Variants in ZNF513 observed in about 807,000 individuals in gnomAD.
ZNF513 encodes zinc finger protein 513.
In ZNF513, 16 loss-of-function variants were observed where a neutral mutation model predicts 39.7. The ratio of observed to expected loss-of-function variants is 0.40; its 90% CI spans 0.27 to 0.61. The LOEUF (loss-of-function observed/expected upper bound fraction) is 0.61, where lower values mean the gene tolerates loss of function less well. Among genes scored for constraint, ZNF513 ranks in the 20% least tolerant of loss-of-function variants. The probability of loss-of-function intolerance (pLI) is 0.39; values close to 1 mark genes in which losing one functional copy is unlikely to be tolerated. For synonymous variants in ZNF513, 348 were observed against 296.5 expected (o/e 1.17, Z -1.79); for missense variants, 699 against 743.6 (o/e 0.94, Z 0.70).
In ZNF513 at chr2:27,378,379, G is replaced by A. The variant is rs1001343740; in HGVS notation, c.800-8C>T. The A allele has an allele frequency of 1.2e-6, 2 of 1,605,994 alleles. No individual in the cohort carries two copies. The highest frequency in any genetic ancestry group is 1.7e-6 in the Non-Finnish European group (2 of 1,179,926). On this transcript the variant is annotated splice_polypyrimidine_tract_variant and splice_region_variant and intron_variant, in intron 3 of 3. Transcript: ENST00000323703. The surrounding 1 kb of genome is among the most constrained non-coding windows in gnomAD (Gnocchi z 8.0). The stretch of plus-strand genomic sequence containing the variant: ...CTGGAAGGAGCAGAGCATCTGTGGG[G>A]ACAAAGACCTGGGCTATGAATCCAA...
In ZNF513 at chr2:27,380,156, C is replaced by G. The variant is rs1221283619; in HGVS notation, c.148G>C (p.Glu50Gln). 6.2e-7 allele frequency: 1 copy of G among 1,614,180 alleles called. No homozygotes were observed. The highest frequency in any genetic ancestry group is 2.2e-5 in the East Asian group (1 of 44,872). ...LGQDLEFEEE[E>Q]EEEEGDGNSD... ...TTGCCGTCGCCTTCCTCCTCTTCCT[C>G]TTCCTCCTCAAACTCCAGATCCTGG... Residue 50 changes from glutamate (E) to glutamine (Q), a missense_variant, in exon 2 of 4, where the codon GAG becomes CAG. This residue lies in a region of ZNF513 where 530 missense variants were observed against 499.3 expected (regional missense o/e 1.06). Coordinates refer to ENST00000323703, the MANE Select transcript of ZNF513 (RefSeq NM_144631.6).
Position 27,378,472 on chromosome 2 carries a change from G to C in ZNF513, c.794C>G (p.Pro265Arg), listed in dbSNP as rs768360466. ...TEQEGAVPRRPEDALLLPDLS... is the reference protein window; with the variant it reads ...TEQEGAVPRRREDALLLPDLS... Reference sequence around the variant, plus strand: ...TGGTCCCTGGTGTGTCTTACCTTCAGGTCGCCGGGGCACCGCCCCCTCCTG... The same window carrying C: ...TGGTCCCTGGTGTGTCTTACCTTCACGTCGCCGGGGCACCGCCCCCTCCTG... Residue 265 changes from proline to arginine, a missense_variant, in exon 3 of 4, where the codon CCT (proline) becomes CGT (arginine). Transcript: ENST00000323703. The surrounding 1 kb of genome is among the most constrained non-coding windows in gnomAD (Gnocchi z 8.0). 56 of 1,614,112 alleles carry C rather than the reference G, an allele frequency of 3.5e-5. 2 individuals carry two copies. The Admixed American group carries it at 8.8e-4, about 25-fold the overall frequency.
At position 27,377,284 on chromosome 2, in the gene ZNF513, A is replaced by C; in HGVS notation, c.*261T>G. On this transcript the variant is annotated 3_prime_UTR_variant, in exon 4 of 4. Coordinates refer to ENST00000323703, the MANE Select transcript of ZNF513 (RefSeq NM_144631.6). This position sits in a 1 kb window ranked among gnomAD's most constrained non-coding sequence, Gnocchi z 4.4. ...AAGCACTGAAATAAGTTAAATAAAC[A>C]GGTGGGAGGCTGGGCAGTCCCCCAG... 1.6e-6 allele frequency: 1 copy of C among 625,160 alleles called. No homozygotes were observed. Among genetic ancestry groups the C allele is most frequent in the Non-Finnish European group, 2.9e-6 (1 of 349,404 alleles). 38.7% of individuals were successfully genotyped at this position (625,160 alleles called of 1,614,324 possible).
intron 2 of ZNF513, 23 bp downstream of exon 2, chr2:27,380,069 CT>C (rs1454056484): frequency 6.2e-7 from 1 of 1,613,802 alleles, no homozygotes; most frequent in Non-Finnish European, 8.5e-7. Context: ...GCCGCTAATC[CT>C]TAACCAAGAC....
Position 27,377,930 on chromosome 2 carries a change from TTCTCTCC to T in ZNF513, c.1234_1240del (p.Gly412SerfsTer44). 1 of 1,613,910 alleles carries T rather than the reference TTCTCTCC, an allele frequency of 6.2e-7. No homozygotes were observed. The highest frequency in any genetic ancestry group is 8.5e-7 in the Non-Finnish European group (1 of 1,179,940). On this transcript the variant is annotated frameshift_variant, in exon 4 of 4. Coordinates refer to ENST00000323703, the MANE Select transcript of ZNF513 (RefSeq NM_144631.6). LOFTEE classifies it high-confidence loss of function. This position sits in a 1 kb window ranked among gnomAD's most constrained non-coding sequence, Gnocchi z 4.4. Reference sequence around the variant, plus strand: ...AGGGCAGAGGGGGCACTTGTAGGGCTTCTCTCCTGTATGGACGCGCTGGTGCCGTTTC... The same window carrying T: ...AGGGCAGAGGGGGCACTTGTAGGGCTTGTATGGACGCGCTGGTGCCGTTTC...
Position 27,377,526 on chromosome 2 carries a change from T to G in ZNF513, c.*19A>C, listed in dbSNP as rs995134793. ...GCTTCTGGTCCGTCTGTATAAAACA[T>G]GGGGAAGAAGGACCTAGTTCAGGAT... On this transcript the variant is annotated 3_prime_UTR_variant, in exon 4 of 4. Coordinates refer to ENST00000323703, the MANE Select transcript of ZNF513 (RefSeq NM_144631.6). This position sits in a 1 kb window ranked among gnomAD's most constrained non-coding sequence, Gnocchi z 4.4. 1.2e-6 allele frequency: 2 copies of G among 1,613,358 alleles called. No individual in the cohort carries two copies. The highest frequency in any genetic ancestry group is 2.7e-5 in the African/African-American group (2 of 74,926).
chr2:27,380,462 G>A lies in ZNF513; in HGVS notation c.55+10C>T. On this transcript the variant is annotated intron_variant, in intron 1 of 3. Coordinates refer to ENST00000323703, the MANE Select transcript of ZNF513 (RefSeq NM_144631.6). ...CCGCTCCTCTCCCCTCAAGGCCCCTGACCCCTGACCTTTGACCCCCTCGCA... is the reference window on the plus strand; with the variant it reads ...CCGCTCCTCTCCCCTCAAGGCCCCTAACCCCTGACCTTTGACCCCCTCGCA... 1 of 1,578,178 alleles carries A rather than the reference G, an allele frequency of 6.3e-7. No homozygotes were observed. The highest frequency in any genetic ancestry group is 8.6e-7 in the Non-Finnish European group (1 of 1,162,630).
intron 1 of ZNF513, 29 bp downstream of exon 1, chr2:27,380,443 C>T: frequency 6.3e-7 from 1 of 1,588,988 alleles, no homozygotes; most frequent in Non-Finnish European, 8.6e-7. Context: ...ACCCCCGCTC[C>T]TCTCCCCTCA....
Position 27,378,157 on chromosome 2 carries a change from G to A in ZNF513, c.1014C>T (p.Arg338=), listed in dbSNP as rs1363494612. The stretch of plus-strand genomic sequence containing the variant: ...CCCCTCCAGCCTCTCCTCGCATGCA[G>A]CGCCCACACATGGCAGCTCCCAGCC... ...GSRLGAAMCG[R]CMRGEAGGGA... Residue 338 remains arginine (R), a synonymous_variant, in exon 4 of 4, where the codon CGC becomes CGT. Transcript: ENST00000323703. This position sits in a 1 kb window ranked among gnomAD's most constrained non-coding sequence, Gnocchi z 8.0. 9 of 1,613,394 alleles carry A rather than the reference G, an allele frequency of 5.6e-6. No individual in the cohort carries two copies. The highest frequency in any genetic ancestry group is 4.5e-5 in the East Asian group (2 of 44,888).
chr2:27,379,666 A>G (rs1490601556), intron 2 of ZNF513, among the ~76,000 whole-genome samples: 1 of 152,256 alleles, frequency 6.6e-6, no homozygotes, highest in Non-Finnish European at 1.5e-5. Context: ...ACATGGAAGG[A>G]TAAAGACAGA....
At position 27,380,211 on chromosome 2, in the gene ZNF513, G is replaced by C. The variant is rs778300452; in HGVS notation, c.93C>G (p.Ala31=). The C allele has an allele frequency of 6.2e-7, 1 of 1,613,886 alleles. No individual in the cohort carries two copies. The highest frequency in any genetic ancestry group is 8.5e-7 in the Non-Finnish European group (1 of 1,179,976). ...TEDSLDEGPG[A]LVLESDLLLG... is the part of the protein sequence containing the mutation. ...GTAGCAAATCACTCTCCAATACCAG[G>C]GCCCCGGGTCCTTCGTCGAGGGAGT... The change falls in exon 2 of 4, where the codon GCC becomes GCG. Residue 31 remains alanine (A), a synonymous_variant. Coordinates refer to ENST00000323703, the MANE Select transcript of ZNF513 (RefSeq NM_144631.6).
chr2:27,378,569 T>TG lies in ZNF513; in HGVS notation c.696dup (p.Thr233HisfsTer34). On this transcript the variant is annotated frameshift_variant, in exon 3 of 4. Coordinates refer to ENST00000323703, the MANE Select transcript of ZNF513 (RefSeq NM_144631.6). LOFTEE classifies it high-confidence loss of function. This position sits in a 1 kb window ranked among gnomAD's most constrained non-coding sequence, Gnocchi z 8.0. Reference sequence around the variant, plus strand: ...AAGCCACAGGTCGGGCAGGGAGGAGTGGGGGGCCCTGCGTGGGTACGCTGA... The same window carrying TG: ...AAGCCACAGGTCGGGCAGGGAGGAGTGGGGGGGCCCTGCGTGGGTACGCTGA... The TG allele has an allele frequency of 6.2e-7, 1 of 1,612,944 alleles. No individual in the cohort carries two copies. Among genetic ancestry groups the TG allele is most frequent in the Non-Finnish European group, 8.5e-7 (1 of 1,179,724 alleles).
In ZNF513 at chr2:27,378,588, A is replaced by T. The variant is rs1317978628; in HGVS notation, c.678T>A (p.Arg226=). ...SSLGNLRRHQ[R]THAGPPTPPC... ...GAGGAGTGGGGGGCCCTGCGTGGGTACGCTGATGCCGCCTCAGGTTGCCCA... is the reference window on the plus strand; with the variant it reads ...GAGGAGTGGGGGGCCCTGCGTGGGTTCGCTGATGCCGCCTCAGGTTGCCCA... Residue 226 remains arginine (R), a synonymous_variant, in exon 3 of 4, where the codon CGT becomes CGA. Coordinates refer to ENST00000323703, the MANE Select transcript of ZNF513 (RefSeq NM_144631.6). The surrounding 1 kb of genome is among the most constrained non-coding windows in gnomAD (Gnocchi z 8.0). The T allele has an allele frequency of 1.9e-6, 3 of 1,613,852 alleles. No homozygotes were observed.
In ZNF513 at chr2:27,380,596, G is replaced by A; in HGVS notation, c.-70C>T. 2 of 1,537,652 alleles carry A rather than the reference G, an allele frequency of 1.3e-6. No individual in the cohort carries two copies. Among genetic ancestry groups the A allele is most frequent in the Non-Finnish European group, 1.8e-6 (2 of 1,139,128 alleles). Reference sequence around the variant, plus strand: ...GACCCCGCCCCTCCTATCTCGGCCCGCCTGTCTGCCCTTCCTCTCAGGGCC... The same window carrying A: ...GACCCCGCCCCTCCTATCTCGGCCCACCTGTCTGCCCTTCCTCTCAGGGCC... On this transcript the variant is annotated 5_prime_UTR_variant, in exon 1 of 4. Coordinates refer to ENST00000323703, the MANE Select transcript of ZNF513 (RefSeq NM_144631.6).
chr2:27,380,558 C>T lies in ZNF513; in HGVS notation c.-32G>A. 1 of 1,543,606 alleles carries T rather than the reference C, an allele frequency of 6.5e-7. No individual in the cohort carries two copies. Among genetic ancestry groups the T allele is most frequent in the Non-Finnish European group, 8.8e-7 (1 of 1,138,642 alleles). ...CGGCTCCAGCCCGACGCGCCTCCGGCCTGCGGCCGCCCGACCCCGCCCCTC... is the reference window on the plus strand; with the variant it reads ...CGGCTCCAGCCCGACGCGCCTCCGGTCTGCGGCCGCCCGACCCCGCCCCTC... On this transcript the variant is annotated 5_prime_UTR_variant, in exon 1 of 4. Coordinates refer to ENST00000323703, the MANE Select transcript of ZNF513 (RefSeq NM_144631.6).
Position 27,378,398 on chromosome 2 carries a change from A to C in ZNF513, c.800-27T>G. On this transcript the variant is annotated intron_variant, in intron 3 of 3. Transcript: ENST00000323703. The surrounding 1 kb of genome is among the most constrained non-coding windows in gnomAD (Gnocchi z 8.0). ...TGTGGGGACAAAGACCTGGGCTATG[A>C]ATCCAATCCAAGCATTCCTAGGGTC... The C allele has an allele frequency of 1.2e-6, 2 of 1,609,898 alleles. No homozygotes were observed. The highest frequency in any genetic ancestry group is 1.7e-6 in the Non-Finnish European group (2 of 1,179,894).
In ZNF513 at chr2:27,378,388, C is replaced by G. The variant is rs777653376; in HGVS notation, c.800-17G>C. 1.9e-6 allele frequency: 3 copies of G among 1,607,902 alleles called. No individual in the cohort carries two copies. Among genetic ancestry groups the G allele is most frequent in the Non-Finnish European group, 2.5e-6 (3 of 1,179,924 alleles). Reference sequence around the variant, plus strand: ...GCAGAGCATCTGTGGGGACAAAGACCTGGGCTATGAATCCAATCCAAGCAT... The same window carrying G: ...GCAGAGCATCTGTGGGGACAAAGACGTGGGCTATGAATCCAATCCAAGCAT... On this transcript the variant is annotated splice_polypyrimidine_tract_variant and intron_variant, in intron 3 of 3. Transcript: ENST00000323703. The surrounding 1 kb of genome is among the most constrained non-coding windows in gnomAD (Gnocchi z 8.0).
chr2:27,378,560 A>G lies in ZNF513; in HGVS notation c.706T>C (p.Cys236Arg). ...CAGCAGCGGAAGCCACAGGTCGGGC[A>G]GGGAGGAGTGGGGGGCCCTGCGTGG... ...RTHAGPPTPPCPTCGFRCCTP... is the reference protein window; with the variant it reads ...RTHAGPPTPPRPTCGFRCCTP... Residue 236 changes from cysteine (C) to arginine (R), a missense_variant, in exon 3 of 4, where the codon TGC becomes CGC. Physicochemically the swap from Cys to Arg is radical, Grantham distance 180 (BLOSUM62 -3). Coordinates refer to ENST00000323703, the MANE Select transcript of ZNF513 (RefSeq NM_144631.6). The surrounding 1 kb of genome is among the most constrained non-coding windows in gnomAD (Gnocchi z 8.0). The G allele has an allele frequency of 2.5e-6, 4 of 1,613,998 alleles. No individual in the cohort carries two copies. The highest frequency in any genetic ancestry group is 3.4e-6 in the Non-Finnish European group (4 of 1,179,992).
At position 27,380,466 on chromosome 2, in the gene ZNF513, C is replaced by T. The variant is rs1683571824; in HGVS notation, c.55+6G>A. 3 of 1,595,960 alleles carry T rather than the reference C, an allele frequency of 1.9e-6. No individual in the cohort carries two copies. The Admixed American group carries it at 5.1e-5, about 27-fold the overall frequency. On this transcript the variant is annotated splice_donor_region_variant and intron_variant, in intron 1 of 3. Coordinates refer to ENST00000323703, the MANE Select transcript of ZNF513 (RefSeq NM_144631.6). The stretch of plus-strand genomic sequence containing the variant: ...TCCTCTCCCCTCAAGGCCCCTGACC[C>T]CTGACCTTTGACCCCCTCGCATTTC...
Sources: gnomAD v4.1 joint callset for allele counts (sites outside exome capture counted in the v4.1 genomes callset) on GRCh38, gnomAD v4.1.1 for gene constraint, gnomAD v4.1.1 regional missense constraint, Gnocchi (gnomAD v3.1) non-coding constraint, MANE v1.5 for transcripts, NCBI Gene and HGNC (gene_info 2026-07-23, HGNC 2026-07-21) for gene names.